Variants in TEX9 observed in about 807,000 individuals in gnomAD.
TEX9 encodes the protein testis expressed 9.
TEX9 carries 74 observed loss-of-function variants against 59.6 expected under a neutral mutation model. That is an observed-to-expected ratio of 1.24 (90% CI 1.03 to 1.51). The LOEUF (loss-of-function observed/expected upper bound fraction) is 1.51. Among genes scored for constraint, TEX9 ranks in the 40% most tolerant of loss-of-function variants. The probability of loss-of-function intolerance (pLI) is 0.00; values close to 1 mark genes in which losing one functional copy is unlikely to be tolerated. For synonymous variants in TEX9, 186 were observed against 152.2 expected (o/e 1.22, Z -1.64); for missense variants, 522 against 447.8 (o/e 1.17, Z -1.49).
the TEX9 span, among the ~76,000 whole-genome samples, chr15:56,454,767 A>G: frequency 1.3e-3 from 192 of 152,232 alleles, 1 homozygote; most frequent in Middle Eastern, 6.8e-3. Context: ...ACTTTGTACC[A>G]TAGCCCGTAT....
At chr15:56,282,538 C>A (rs1284761176) in intron 1 of TEX9, among the ~76,000 whole-genome samples, 1 of 152,074 alleles carries the variant, frequency 6.6e-6, no homozygotes, top group Non-Finnish European at 1.5e-5. Flanking sequence ...TTATTATTTG[C>A]AAATTATATT....
intron 12 of TEX9, among the ~76,000 whole-genome samples, 157 bp downstream of exon 12, chr15:56,430,311 A>G (rs1259134774): frequency 2.0e-5 from 3 of 152,140 alleles, no homozygotes; most frequent in African/African-American, 7.2e-5. Flanking sequence ...GGCTCAAGCA[A>G]TCTTCCAACC....
At chr15:56,308,100 A>G (rs2045524206) in intron 1 of TEX9, among the ~76,000 whole-genome samples, 1 of 152,196 alleles carries the variant, frequency 6.6e-6, no homozygotes, top group African/African-American at 2.4e-5. Context: ...TCTAGGAGTG[A>G]AAACGATGGG....
At chr15:56,346,347 T>C (rs2046469939) in intron 1 of TEX9, among the ~76,000 whole-genome samples, 1 of 152,174 alleles carries the variant, frequency 6.6e-6, no homozygotes, top group Non-Finnish European at 1.5e-5. Flanking sequence ...AAGCTGTGTC[T>C]GAGCTAAGAT....
intron 4 of TEX9, among the ~76,000 whole-genome samples, chr15:56,385,718 A>G (rs761933234): frequency 6.6e-6 from 1 of 152,146 alleles, no homozygotes; most frequent in Non-Finnish European, 1.5e-5. Context: ...ACAATGGACT[A>G]TAATTATTTC....
At chr15:56,422,871 T>C (rs1377619880) in intron 10 of TEX9, among the ~76,000 whole-genome samples, 1 of 152,136 alleles carries the variant, frequency 6.6e-6, no homozygotes, top group African/African-American at 2.4e-5. Context: ...ATTTGACTGC[T>C]CTAGGAAGTA....
At chr15:56,257,563 A>G (rs779832333) in intron 1 of TEX9, among the ~76,000 whole-genome samples, 4 of 151,890 alleles carry the variant, frequency 2.6e-5, no homozygotes, top group South Asian at 4.2e-4. Flanking sequence ...CTTTTTTTAT[A>G]TGTTTGTTGG....
At chr15:56,362,508 C>T (rs1052211093), upstream of TEX9, among the ~76,000 whole-genome samples, 2 of 152,154 alleles carry the variant, frequency 1.3e-5, no homozygotes, top group Non-Finnish European at 2.9e-5. Flanking sequence ...CTTTCTTTAT[C>T]CCTCGATGTT....
intron 1 of TEX9, among the ~76,000 whole-genome samples, chr15:56,321,479 C>CT (rs1294079460): frequency 2.0e-5 from 3 of 152,140 alleles, no homozygotes; most frequent in Non-Finnish European, 4.4e-5. Flanking sequence ...TTAAAAGGAT[C>CT]TTTGGACTTT....
At chr15:56,427,714 T>C in exon 11 of TEX9, 1 of 1,493,894 alleles carries the variant, frequency 6.7e-7, no homozygotes, top group Non-Finnish European at 8.9e-7. Flanking sequence ...CAGTTAAAAT[T>C]AATTGATGTT....
chr15:56,304,082 T>C (rs1351501919), intron 1 of TEX9, among the ~76,000 whole-genome samples: 1 of 152,202 alleles, frequency 6.6e-6, no homozygotes. Flanking sequence ...AGAACTAATA[T>C]CAATTTTACT....
intron 12 of TEX9, among the ~76,000 whole-genome samples, chr15:56,436,380 C>T (rs1276858571): frequency 6.6e-6 from 1 of 152,116 alleles, no homozygotes; most frequent in Non-Finnish European, 1.5e-5. Flanking sequence ...GAAATGAAGG[C>T]AGAAATAAAG....
chr15:56,312,379 C>G (rs1429484920), intron 1 of TEX9, among the ~76,000 whole-genome samples: 32 of 144,228 alleles, frequency 2.2e-4, no homozygotes, highest in East Asian at 8.0e-4. Flanking sequence ...CCAGTTTTCC[C>G]AGTACCATTT....
intron 1 of TEX9, among the ~76,000 whole-genome samples, chr15:56,261,538 C>T (rs1386434227): frequency 2.2e-4 from 34 of 151,802 alleles, no homozygotes; most frequent in South Asian, 1.3e-3. Flanking sequence ...ACCAACATGG[C>T]GAAACCTCAT....
chr15:56,381,948 G>C (rs960641144), intron 3 of TEX9, among the ~76,000 whole-genome samples: 1 of 152,170 alleles, frequency 6.6e-6, no homozygotes, highest in African/African-American at 2.4e-5. Flanking sequence ...TCAGGGTAGC[G>C]AGTTCCCCCA....
chr15:56,326,552 G>T (rs1000891543), intron 1 of TEX9, among the ~76,000 whole-genome samples: 15 of 152,100 alleles, frequency 9.9e-5, no homozygotes, highest in African/African-American at 3.6e-4. Context: ...ATGTCCAGAA[G>T]CAGATGAGAC....
upstream of TEX9, among the ~76,000 whole-genome samples, chr15:56,362,320 A>G (rs1293003233): frequency 6.6e-6 from 1 of 152,104 alleles, no homozygotes; most frequent in Non-Finnish European, 1.5e-5. Context: ...TGCCTCATGC[A>G]TTTTGACACT....
At chr15:56,307,183 G>T (rs1453722423) in intron 1 of TEX9, among the ~76,000 whole-genome samples, 10 of 152,148 alleles carry the variant, frequency 6.6e-5, no homozygotes, top group Admixed American at 3.3e-4. Flanking sequence ...CAGAAAGAGG[G>T]ATATAAGAAG....
At chr15:56,302,018 A>C (rs1263946711) in intron 1 of TEX9, among the ~76,000 whole-genome samples, 1 of 152,202 alleles carries the variant, frequency 6.6e-6, no homozygotes, top group Non-Finnish European at 1.5e-5. Flanking sequence ...AGAAATAGAA[A>C]CAACAAAATT....
Sources: gnomAD v4.1 joint callset for allele counts (sites outside exome capture counted in the v4.1 genomes callset) on GRCh38, gnomAD v4.1.1 for gene constraint, MANE v1.5 for transcripts, NCBI Gene and HGNC (gene_info 2026-07-23, HGNC 2026-07-21) for gene names.